The following SERHL2 variants were observed in gnomAD, a reference collection of about 807,000 sequenced individuals.
SERHL2 encodes serine hydrolase like 2.
A neutral mutation model predicts 25.5 loss-of-function variants in SERHL2; 29 were observed. The observed-to-expected ratio is 1.14, with a 90% CI of 0.85 to 1.55. The LOEUF is 1.55. Ranked by LOEUF, SERHL2 falls within the 40% of genes most tolerant of loss-of-function variation. The probability of loss-of-function intolerance (pLI) is 0.00; values close to 1 mark genes in which losing one functional copy is unlikely to be tolerated. For missense variants in SERHL2, 240 were observed against 252.3 expected (o/e 0.95, Z 0.33); for synonymous variants, 95 against 103.5 (o/e 0.92, Z 0.50).
intron 8 of SERHL2, among the ~76,000 whole-genome samples, chr22:42,566,035 T>C (rs1923332367): frequency 6.6e-6 from 1 of 152,062 alleles, no homozygotes; most frequent in South Asian, 2.1e-4. Context: ...GCTATTAGCC[T>C]AAGCTCCCGC....
chr22:42,554,794 A>T (rs571190928), intron 1 of SERHL2, 144 bp from the exon 2 acceptor site: 1 of 623,470 alleles, frequency 1.6e-6, no homozygotes, highest in Non-Finnish European at 2.9e-6. Context: ...CTCTCCCCAT[A>T]ACCTTCTGGG....
rs543945916 is a variant in SERHL2, at chr22:42,563,628, G to C, written c.614-2676G>C. ...GCAGATAATAATTTGTTTAACTTGTGCAGTTTAATCAAAAACATTTGGCAT... is the reference window on the plus strand; with the variant it reads ...GCAGATAATAATTTGTTTAACTTGTCCAGTTTAATCAAAAACATTTGGCAT... On this transcript the variant is annotated intron_variant, in intron 8 of 11. Coordinates refer to ENST00000327678, the MANE Select transcript of SERHL2 (RefSeq NM_014509.5). 5.5e-4 allele frequency: 96 copies of C among 175,300 alleles called. 3 individuals are homozygous for C. The highest frequency in any genetic ancestry group is 3.3e-3 in the South Asian group (34 of 10,244). 10.9% of individuals were successfully genotyped at this position (175,300 alleles called of 1,614,324 possible).
At chr22:42,566,565 AAAAC>A (rs1214668359) in intron 9 of SERHL2, among the ~76,000 whole-genome samples, 2 of 151,616 alleles carry the variant, frequency 1.3e-5, no homozygotes, top group East Asian at 1.9e-4. Context: ...CAAGAAAAAA[AAAAC>A]AAAAGAAATT....
chr22:42,553,956 ACT>A lies in SERHL2; in HGVS notation c.-62_-61del. 1 of 1,597,726 alleles carries A rather than the reference ACT, an allele frequency of 6.3e-7. No homozygotes were observed. The highest frequency in any genetic ancestry group is 8.6e-7 in the Non-Finnish European group (1 of 1,167,954). On this transcript the variant is annotated 5_prime_UTR_variant, in exon 1 of 12. Coordinates refer to ENST00000327678, the MANE Select transcript of SERHL2 (RefSeq NM_014509.5). ...GATAGGGCCCGGAATTGCGGGCGTC[ACT>A]CTGCTCCTGCGACCTAGCCAGGCGT...
At chr22:42,571,700 G>C (rs1388378466) in intron 10 of SERHL2, 1 of 171,378 alleles carries the variant, frequency 5.8e-6, no homozygotes, top group East Asian at 1.6e-4. Context: ...GGGATTACAG[G>C]CGTGAGCCAC....
At chr22:42,568,698 C>T (rs747166305) in intron 9 of SERHL2, among the ~76,000 whole-genome samples, 6 of 152,024 alleles carry the variant, frequency 3.9e-5, no homozygotes, top group Non-Finnish European at 8.8e-5. Context: ...TCTGCAGTTG[C>T]TCATGCCTGT....
chr22:42,570,630 G>A (rs1244379193), intron 9 of SERHL2, among the ~76,000 whole-genome samples: 2 of 150,744 alleles, frequency 1.3e-5, no homozygotes, highest in East Asian at 1.9e-4. Context: ...CAGGGCCGCG[G>A]AGGAGGCCGG....
intron 9 of SERHL2, chr22:42,569,912 C>T (rs137044): frequency 0.02 from 2,980 of 151,426 alleles, 65 homozygotes; most frequent in Non-Finnish European, 0.027. Flanking sequence ...GCAGGAGTAT[C>T]GGGTGTAACT....
At chr22:42,565,613 C>T (rs1923271999) in intron 8 of SERHL2, among the ~76,000 whole-genome samples, 1 of 151,762 alleles carries the variant, frequency 6.6e-6, no homozygotes. Context: ...CTTGAGCCAC[C>T]ATGCCTGGCC....
chr22:42,560,962 GCCGACTGTC>G (rs1922609086), intron 8 of SERHL2, among the ~76,000 whole-genome samples: 1 of 151,820 alleles, frequency 6.6e-6, no homozygotes, highest in South Asian at 2.1e-4. Flanking sequence ...GTGAGCAAGA[GCCGACTGTC>G]CCTCTCTCAG....
At chr22:42,568,098 C>T (rs1260198103) in intron 9 of SERHL2, among the ~76,000 whole-genome samples, 1 of 151,948 alleles carries the variant, frequency 6.6e-6, no homozygotes, top group Non-Finnish European at 1.5e-5. Flanking sequence ...AATTATGGCT[C>T]ACACAGCTTC....
intron 9 of SERHL2, among the ~76,000 whole-genome samples, chr22:42,567,345 C>G (rs111464406): frequency 1.3e-5 from 2 of 150,276 alleles, no homozygotes; most frequent in East Asian, 3.9e-4. Flanking sequence ...ATTTTCTTTT[C>G]TTTTTTTCTT....
At position 42,554,070 on chromosome 22, in the gene SERHL2, T is replaced by C. The variant is rs775552903; in HGVS notation, c.22+28T>C. The C allele has an allele frequency of 4.7e-5, 75 of 1,611,116 alleles. 1 individual carries two copies. The Middle Eastern group carries it at 6.6e-4, about 14-fold the overall frequency. On this transcript the variant is annotated intron_variant, in intron 1 of 11. Transcript: ENST00000327678. The stretch of plus-strand genomic sequence containing the variant: ...CTGACGGGGAGGCCTTGTGCGAGCG[T>C]CCCACTGCCCACCCACCTGGTTGGG...
chr22:42,571,082 G>A (rs748380980), intron 9 of SERHL2, 39 bp from the exon 10 acceptor site: 3 of 1,612,926 alleles, frequency 1.9e-6, no homozygotes, highest in South Asian at 1.1e-5. Context: ...GAGTGCCTGT[G>A]CCTTGTGACG....
chr22:42,572,680 GT>G, intron 11 of SERHL2, 151 bp downstream of exon 11: 4 of 1,416,364 alleles, frequency 2.8e-6, no homozygotes, highest in Non-Finnish European at 3.7e-6. Flanking sequence ...ATGCTCCACT[GT>G]GGTCAGTCCC....
chr22:42,566,430 C>G (rs762114428), intron 9 of SERHL2, 92 bp downstream of exon 9: 2 of 1,256,590 alleles, frequency 1.6e-6, no homozygotes, highest in African/African-American at 1.5e-5. Context: ...TGGTGGCTCA[C>G]GCCTGTAATC....
chr22:42,569,942 G>C (rs1923940130), intron 9 of SERHL2: 1 of 151,696 alleles, frequency 6.6e-6, no homozygotes, highest in African/African-American at 2.4e-5. Flanking sequence ...TGGTCCTTAC[G>C]GGAGCTTCCC....
At chr22:42,564,334 G>T (rs1272380735) in intron 8 of SERHL2, among the ~76,000 whole-genome samples, 4 of 151,666 alleles carry the variant, frequency 2.6e-5, no homozygotes, top group African/African-American at 9.7e-5. Flanking sequence ...GCCTTGGTCA[G>T]ACAGTGAATG....
chr22:42,567,659 A>G (rs1393399014), intron 9 of SERHL2, among the ~76,000 whole-genome samples: 1 of 150,698 alleles, frequency 6.6e-6, no homozygotes, highest in Non-Finnish European at 1.5e-5. Flanking sequence ...CGACAGAGCG[A>G]GACTCCATGT....
Sources: gnomAD v4.1 joint callset for allele counts (sites outside exome capture counted in the v4.1 genomes callset) on GRCh38, gnomAD v4.1.1 for gene constraint, MANE v1.5 for transcripts, NCBI Gene and HGNC (gene_info 2026-07-23, HGNC 2026-07-21) for gene names.